C11orf24: variants seen among roughly 807,000 people sequenced by gnomAD.
The protein encoded by C11orf24 is chromosome 11 open reading frame 24.
Under a neutral mutation model 7.3 loss-of-function variants are expected in C11orf24, and 5 were observed. The observed-to-expected ratio is 0.69, with a 90% CI of 0.36 to 1.45. The LOEUF (loss-of-function observed/expected upper bound fraction) is 1.45. C11orf24 is among the 40% of genes most tolerant of loss of function. The pLI is 0.03. For missense variants in C11orf24, 566 were observed against 590.5 expected (o/e 0.96, Z 0.43); for synonymous variants, 233 against 235.7 (o/e 0.99, Z 0.11).
chr11:68,263,015 C>T (rs867980282), intron 3 of C11orf24, 97 bp from the exon 4 acceptor site: 1 of 1,132,700 alleles, frequency 8.8e-7, no homozygotes, highest in Non-Finnish European at 1.3e-6. Context: ...CCTGTGGGGC[C>T]CCCTCCTCAG....
intron 2 of C11orf24, among the ~76,000 whole-genome samples, chr11:68,264,532 A>G (rs2098563699): frequency 7.7e-6 from 1 of 129,720 alleles, no homozygotes; most frequent in African/African-American, 3.0e-5. Context: ...TCATCCATCC[A>G]TCCATCCATC....
rs2098563154 is a variant in C11orf24 at position 68,263,732 on chromosome 11, G to A, written c.36C>T (p.Ser12=). The change falls in exon 3 of 4, where the codon TCC becomes TCT. Residue 12 remains serine, a synonymous_variant. Transcript: ENST00000304271. ...WTALVLIWIF[S]LSLSESHAAS... ...CCGCATGGCTTTCAGATAAGGACAA[G>A]GAGAAAATCCAAATGAGCACAAGAG... 2 of 1,613,462 alleles carry A rather than the reference G, an allele frequency of 1.2e-6. No homozygotes were observed. Among genetic ancestry groups the A allele is most frequent in the Non-Finnish European group, 8.5e-7 (1 of 1,179,982 alleles).
At chr11:68,268,764 A>G (rs1390061207) in intron 1 of C11orf24, among the ~76,000 whole-genome samples, 3 of 152,204 alleles carry the variant, frequency 2.0e-5, no homozygotes, top group Non-Finnish European at 4.4e-5. Flanking sequence ...TTAAGGAAGC[A>G]CTCAGACAGA....
rs537600667 is a variant in C11orf24, at chr11:68,266,253, G to T, written c.-100+1801C>A. 3.5e-4 allele frequency among the ~76,000 whole-genome samples: 53 copies of T among 152,296 alleles called. 1 individual carries two copies. Among genetic ancestry groups the T allele is most frequent in the African/African-American group, 1.3e-3 (52 of 41,566 alleles). On this transcript the variant is annotated intron_variant, in intron 2 of 3. Coordinates refer to ENST00000304271, the MANE Select transcript of C11orf24 (RefSeq NM_022338.4). ...CACACGGGCAAGGACCCAGCATGGC[G>T]CCTGGCTTAGCCAGCAGCCCACCCG...
At chr11:68,269,615 A>G (rs924113871) in intron 1 of C11orf24, among the ~76,000 whole-genome samples, 3 of 152,210 alleles carry the variant, frequency 2.0e-5, no homozygotes, top group African/African-American at 7.2e-5. Context: ...CACACATGCC[A>G]CCACACATGT....
chr11:68,264,832 G>A (rs1233953127), intron 2 of C11orf24, among the ~76,000 whole-genome samples: 2 of 151,318 alleles, frequency 1.3e-5, no homozygotes, highest in African/African-American at 4.9e-5. Context: ...CAGTCCATGG[G>A]AGACACAGAA....
rs1164669582 is a variant in C11orf24 at position 68,271,965 on chromosome 11, G to GCGCGCCCTGCCCGGGCCC, written c.-407_-406insGGGCCCGGGCAGGGCGCG. 6.6e-6 allele frequency: 1 copy of GCGCGCCCTGCCCGGGCCC among 152,164 alleles called. No homozygotes were observed. Among genetic ancestry groups the GCGCGCCCTGCCCGGGCCC allele is most frequent in the Non-Finnish European group, 1.5e-5 (1 of 68,022 alleles). 9.4% of individuals were successfully genotyped at this position (152,164 alleles called of 1,614,324 possible). Reference sequence around the variant, plus strand: ...AGCGCAACCCAGGCAGCTCCGGGCAGCGCGCCCTGCCCGGGCCCCGCCCAA... The same window carrying GCGCGCCCTGCCCGGGCCC: ...AGCGCAACCCAGGCAGCTCCGGGCAGCGCGCCCTGCCCGGGCCCCGCGCCCTGCCCGGGCCCCGCCCAA... On this transcript the variant is annotated 5_prime_UTR_variant, in exon 1 of 4. Coordinates refer to ENST00000304271, the MANE Select transcript of C11orf24 (RefSeq NM_022338.4).
At chr11:68,266,113 A>G (rs1451181876) in intron 2 of C11orf24, among the ~76,000 whole-genome samples, 1 of 152,252 alleles carries the variant, frequency 6.6e-6, no homozygotes, top group African/African-American at 2.4e-5. Flanking sequence ...ACAGAGGCCA[A>G]CAGCACTGCC....
In C11orf24 at chr11:68,261,695, T is replaced by C. The variant is rs1372877498; in HGVS notation, c.1300A>G (p.Thr434Ala). The C allele has an allele frequency of 6.2e-7, 1 of 1,614,024 alleles. No homozygotes were observed. The highest frequency in any genetic ancestry group is 1.3e-5 in the African/African-American group (1 of 75,022). ...AYESYKKKDY[T>A]QVDYLINGMY... ...CCGTTGATTAAGTAGTCCACCTGGG[T>C]GTAGTCCTTCTTCTTGTAGCTCTCA... Residue 434 changes from threonine (T) to alanine (A), a missense_variant, in exon 4 of 4, where the codon ACC becomes GCC. Thr to Ala is a moderately conservative substitution (Grantham distance 58, BLOSUM62 0). Transcript: ENST00000304271.
At chr11:68,271,360 G>A (rs2098567854) in intron 1 of C11orf24, among the ~76,000 whole-genome samples, 1 of 152,154 alleles carries the variant, frequency 6.6e-6, no homozygotes, top group African/African-American at 2.4e-5. Flanking sequence ...GGGCAGGGGA[G>A]GGAATCTGGG....
intron 2 of C11orf24, among the ~76,000 whole-genome samples, chr11:68,266,347 C>T (rs1197008117): frequency 6.6e-6 from 1 of 152,170 alleles, no homozygotes; most frequent in African/African-American, 2.4e-5. Flanking sequence ...TTCCTGCCTC[C>T]TGTAATCCAT....
chr11:68,261,649 A>G lies in C11orf24; in HGVS notation c.1346T>C (p.Met449Thr). ...CCCGCCAGGCCCCCGCCCCCCTCACATTTCTGAGTCCGCATACATCCCGTT... is the reference window on the plus strand; with the variant it reads ...CCCGCCAGGCCCCCGCCCCCCTCACGTTTCTGAGTCCGCATACATCCCGTT... ...LINGMYADSE[M>T] The change falls in exon 4 of 4, where the codon ATG (methionine) becomes ACG (threonine). Residue 449 changes from methionine (M) to threonine (T), a missense_variant. Physicochemically the swap from Met to Thr is moderately conservative, Grantham distance 81 (BLOSUM62 -1). Coordinates refer to ENST00000304271, the MANE Select transcript of C11orf24 (RefSeq NM_022338.4). 1 of 1,598,330 alleles carries G rather than the reference A, an allele frequency of 6.3e-7. No homozygotes were observed. The highest frequency in any genetic ancestry group is 8.6e-7 in the Non-Finnish European group (1 of 1,167,048).
In C11orf24 at chr11:68,261,351, G is replaced by T; in HGVS notation, c.*294C>A. On this transcript the variant is annotated 3_prime_UTR_variant, in exon 4 of 4. Coordinates refer to ENST00000304271, the MANE Select transcript of C11orf24 (RefSeq NM_022338.4). Reference sequence around the variant, plus strand: ...CCCACACGATTGTGGCGAGCAGTCAGTACTTTAATTCAGGTCAGGCTCCGA... The same window carrying T: ...CCCACACGATTGTGGCGAGCAGTCATTACTTTAATTCAGGTCAGGCTCCGA... 2.7e-6 allele frequency: 1 copy of T among 372,358 alleles called. No individual in the cohort carries two copies. The highest frequency in any genetic ancestry group is 3.6e-5 in the South Asian group (1 of 28,140). The allele number at this position is 372,358 out of a possible 1,614,324, so 23.1% of individuals were successfully genotyped here.
At chr11:68,270,622 CTTT>C (rs542422498) in intron 1 of C11orf24, among the ~76,000 whole-genome samples, 47 of 150,948 alleles carry the variant, frequency 3.1e-4, no homozygotes, top group African/African-American at 1.1e-3. Context: ...TAACTTAATT[CTTT>C]TTTTCTGGCA....
At chr11:68,266,533 G>C (rs1269680014) in intron 2 of C11orf24, among the ~76,000 whole-genome samples, 2 of 152,188 alleles carry the variant, frequency 1.3e-5, no homozygotes, top group African/African-American at 2.4e-5. Flanking sequence ...TAATGTGTTA[G>C]GGGCTTAGAA....
intron 3 of C11orf24, chr11:68,263,203 A>G: frequency 2.1e-6 from 1 of 486,862 alleles, no homozygotes; most frequent in Non-Finnish European, 3.7e-6. Context: ...TCCAATTCCC[A>G]AAACATCAGA....
intron 2 of C11orf24, among the ~76,000 whole-genome samples, chr11:68,264,791 G>C (rs1413400695): frequency 1.4e-5 from 2 of 144,180 alleles, no homozygotes; most frequent in South Asian, 4.5e-4. Context: ...GGACAAAAAG[G>C]TGAAAAACAC....
At chr11:68,262,981 C>CT in intron 3 of C11orf24, 63 bp from the exon 4 acceptor site, 1 of 1,502,858 alleles carries the variant, frequency 6.7e-7, no homozygotes, top group African/African-American at 1.4e-5. Context: ...AGGGGGATTG[C>CT]TCAGGGATCG....
rs1351425629 is a variant in C11orf24 at position 68,261,931 on chromosome 11, G to C, written c.1064C>G (p.Thr355Ser). The C allele has an allele frequency of 2.5e-6, 4 of 1,613,952 alleles. No homozygotes were observed. The African/African-American group carries it at 5.3e-5, about 22-fold the overall frequency. Residue 355 changes from threonine (T) to serine (S), a missense_variant, in exon 4 of 4, where the codon ACT (threonine) becomes AGT (serine). Coordinates refer to ENST00000304271, the MANE Select transcript of C11orf24 (RefSeq NM_022338.4). Reference protein sequence around the residue: ...EQVETEATPGTDSTGPTPRSS... With the variant: ...EQVETEATPGSDSTGPTPRSS... ...CCTGGGTGTTGGCCCAGTGGAATCA[G>C]TACCTGGTGTGGCTTCAGTCTCTAC...
Sources: allele counts gnomAD v4.1 joint callset (sites outside exome capture counted in the v4.1 genomes callset), GRCh38; gene constraint gnomAD v4.1.1; transcripts MANE v1.5; gene names NCBI Gene and HGNC (gene_info 2026-07-23, HGNC 2026-07-21).